Variants in GRM8 observed in about 807,000 individuals in gnomAD.
GRM8 encodes the protein metabotropic glutamate receptor 8.
Under a neutral mutation model 87.2 loss-of-function variants are expected in GRM8, and 47 were observed. The ratio of observed to expected loss-of-function variants is 0.54; its 90% CI spans 0.43 to 0.69. The LOEUF is 0.69. GRM8 is among the 30% of genes least tolerant of loss of function. The pLI is 0.00. For missense variants in GRM8, 1,019 were observed against 1,139.2 expected, an observed-to-expected ratio of 0.89 and a Z score of 1.52; for synonymous variants, 396 against 404.5, an observed-to-expected ratio of 0.98 and a Z score of 0.25.
chr7:126,561,650 A>C (rs1385878547), intron 8 of GRM8, among the ~76,000 whole-genome samples: 1 of 151,214 alleles, frequency 6.6e-6, no homozygotes, highest in Non-Finnish European at 1.5e-5. Flanking sequence ...TTATACTTTA[A>C]GTTTTAGGGT....
At chr7:126,464,641 C>T (rs769665524) in intron 9 of GRM8, among the ~76,000 whole-genome samples, 2 of 151,238 alleles carry the variant, frequency 1.3e-5, no homozygotes, top group Non-Finnish European at 3.0e-5. Context: ...CTGTTGTATG[C>T]TTTTTGATTT....
At chr7:126,914,529 C>T (rs1432060273) in intron 3 of GRM8, among the ~76,000 whole-genome samples, 1 of 152,214 alleles carries the variant, frequency 6.6e-6, no homozygotes, top group African/African-American at 2.4e-5. Flanking sequence ...AGGTGCCCAT[C>T]AGCAGTGGAC....
chr7:126,802,671 T>C (rs1442113913), intron 6 of GRM8, among the ~76,000 whole-genome samples: 2 of 152,170 alleles, frequency 1.3e-5, no homozygotes, highest in Non-Finnish European at 2.9e-5. Flanking sequence ...TCGTTTGGCC[T>C]TCCAGAATAC....
At chr7:126,722,975 T>TATATATAATA in intron 7 of GRM8, among the ~76,000 whole-genome samples, 1 of 137,272 alleles carries the variant, frequency 7.3e-6, no homozygotes, top group Admixed American at 7.4e-5. Flanking sequence ...AATATATAAT[T>TATATATAATA]TACATATATT....
At chr7:127,037,412 C>G (rs17865063) in intron 3 of GRM8, among the ~76,000 whole-genome samples, 2,131 of 152,248 alleles carry the variant, frequency 0.014, 46 homozygotes, top group African/African-American at 0.048. Flanking sequence ...GAGCCCAGGT[C>G]TCTCACCTGT....
intron 9 of GRM8, among the ~76,000 whole-genome samples, chr7:126,466,621 G>A (rs1321197689): frequency 6.6e-6 from 1 of 151,852 alleles, no homozygotes; most frequent in Non-Finnish European, 1.5e-5. Context: ...AGTACCAGGG[G>A]AGCCAATGAT....
At chr7:127,224,375 G>A (rs1797176994) in intron 2 of GRM8, among the ~76,000 whole-genome samples, 1 of 152,156 alleles carries the variant, frequency 6.6e-6, no homozygotes, top group Non-Finnish European at 1.5e-5. Flanking sequence ...ATAAACCAAG[G>A]AGGCCAGTAG....
chr7:127,089,766 C>T (rs964187762), intron 3 of GRM8, among the ~76,000 whole-genome samples: 2 of 152,176 alleles, frequency 1.3e-5, no homozygotes, highest in African/African-American at 4.8e-5. Flanking sequence ...CAGAATAGAG[C>T]TCATCTAACA....
chr7:127,160,635 G>A (rs114225360), intron 2 of GRM8, among the ~76,000 whole-genome samples: 2 of 152,210 alleles, frequency 1.3e-5, no homozygotes, highest in African/African-American at 4.8e-5. Flanking sequence ...GAACTTAGTA[G>A]GGTGGGCCTT....
intron 9 of GRM8, among the ~76,000 whole-genome samples, chr7:126,465,570 A>T (rs1804397557): frequency 6.6e-6 from 1 of 151,620 alleles, no homozygotes; most frequent in South Asian, 2.1e-4. Context: ...ATTTTTAGTT[A>T]TTTGATATTT....
chr7:126,891,444 T>A (rs1220153005), intron 6 of GRM8, among the ~76,000 whole-genome samples: 2 of 151,436 alleles, frequency 1.3e-5, no homozygotes, highest in Admixed American at 1.3e-4. Flanking sequence ...TGGTGCCCAT[T>A]CATTGACTTT....
intron 8 of GRM8, among the ~76,000 whole-genome samples, chr7:126,537,588 A>C (rs1815954525): frequency 6.6e-6 from 1 of 152,166 alleles, no homozygotes; most frequent in Non-Finnish European, 1.5e-5. Flanking sequence ...CATCCTGGCC[A>C]ACACGGTAAA....
At chr7:127,198,212 T>G (rs1482348919) in intron 2 of GRM8, among the ~76,000 whole-genome samples, 1 of 152,200 alleles carries the variant, frequency 6.6e-6, no homozygotes, top group Non-Finnish European at 1.5e-5. Context: ...TTGGGAACAT[T>G]ATAAATTTTC....
At chr7:127,231,918 G>A (rs756982208) in intron 2 of GRM8, among the ~76,000 whole-genome samples, 34 of 150,238 alleles carry the variant, frequency 2.3e-4, no homozygotes, top group Non-Finnish European at 3.2e-4. Context: ...TTCTTTTGGC[G>A]CTGAAACGAT....
At chr7:126,635,673 G>A (rs1457007589) in intron 7 of GRM8, among the ~76,000 whole-genome samples, 1 of 151,936 alleles carries the variant, frequency 6.6e-6, no homozygotes, top group Non-Finnish European at 1.5e-5. Flanking sequence ...TACATTACTG[G>A]AATTAGCATC....
intron 3 of GRM8, among the ~76,000 whole-genome samples, chr7:127,051,165 G>A (rs1385181173): frequency 6.6e-6 from 1 of 152,128 alleles, no homozygotes; most frequent in African/African-American, 2.4e-5. Flanking sequence ...CTGAAAGGTG[G>A]TCCCCACTTG....
chr7:127,172,758 T>C (rs954590363), intron 2 of GRM8, among the ~76,000 whole-genome samples: 6 of 151,992 alleles, frequency 3.9e-5, no homozygotes, highest in African/African-American at 9.7e-5. Context: ...GCCATTATTA[T>C]GCATATTATA....
Position 126,598,919 on chromosome 7 carries a change from G to A in GRM8, c.1494+10443C>T, listed in dbSNP as rs1214737625. Among the ~76,000 whole-genome samples the A allele has an allele frequency of 2.6e-5, 4 of 152,112 alleles. No homozygotes were observed. In the South Asian group the frequency reaches 8.3e-4, roughly 32 times the overall value. ...CTGATAAGATGGTCCTCTGTTCTGG[G>A]AGCTCAGAATCATACTCAGTCCCGT... On this transcript the variant is annotated intron_variant, in intron 8 of 10. Coordinates refer to ENST00000339582, the MANE Select transcript of GRM8 (RefSeq NM_000845.3).
chr7:126,509,372 A>G (rs1810986730), intron 9 of GRM8, among the ~76,000 whole-genome samples: 1 of 152,022 alleles, frequency 6.6e-6, no homozygotes, highest in South Asian at 2.1e-4. Context: ...AGATTCAGAA[A>G]CTATATATTT....
Sources: allele counts gnomAD v4.1 joint callset (sites outside exome capture counted in the v4.1 genomes callset), GRCh38; gene constraint gnomAD v4.1.1; transcripts MANE v1.5; gene names NCBI Gene and HGNC (gene_info 2026-07-23, HGNC 2026-07-21).